Variants in UBE2R2 observed in about 807,000 individuals in gnomAD.
The protein encoded by UBE2R2 is ubiquitin conjugating enzyme E2 R2, also known as ubiquitin-conjugating enzyme E2 R2.
UBE2R2 carries 1 observed loss-of-function variant against 27.8 expected under a neutral mutation model. The ratio of observed to expected loss-of-function variants is 0.04; its 90% CI spans 0.01 to 0.17. The LOEUF is 0.17. Among genes scored for constraint, UBE2R2 ranks in the 10% least tolerant of loss-of-function variants. The pLI, the probability that UBE2R2 is intolerant of heterozygous loss-of-function variation, is 1.00. For synonymous variants in UBE2R2, 106 were observed against 113.3 expected (o/e 0.94, Z 0.41); for missense variants, 100 against 291.0 (o/e 0.34, Z 4.78).
At chr9:33,831,027 A>C (rs1820462049) in intron 1 of UBE2R2, 3 of 150,256 alleles carry the variant, frequency 2.0e-5, no homozygotes, top group African/African-American at 7.3e-5. Flanking sequence ...ACAACCAGTT[A>C]CAGATTGCTT....
At chr9:33,894,565 C>T (rs1051872138) in intron 2 of UBE2R2, among the ~76,000 whole-genome samples, 1 of 151,980 alleles carries the variant, frequency 6.6e-6, no homozygotes, top group African/African-American at 2.4e-5. Context: ...TCCCAAGTAG[C>T]TGGGACTACA....
At chr9:33,887,728 G>A (rs1265910204) in intron 2 of UBE2R2, among the ~76,000 whole-genome samples, 1 of 152,198 alleles carries the variant, frequency 6.6e-6, no homozygotes, top group East Asian at 1.9e-4. Context: ...CTGGAGTGCA[G>A]TGGCGCAATC....
At position 33,862,058 on chromosome 9, in the gene UBE2R2, T is replaced by G. The variant is rs568633297; in HGVS notation, c.178-24823T>G. Among the ~76,000 whole-genome samples the G allele has an allele frequency of 4.3e-3, 651 of 152,094 alleles. 2 individuals carry two copies. The highest frequency in any genetic ancestry group is 7.1e-3 in the Non-Finnish European group (482 of 67,976). On this transcript the variant is annotated intron_variant, in intron 1 of 4. Coordinates refer to ENST00000263228, the MANE Select transcript of UBE2R2 (RefSeq NM_017811.4). ...TTAGTAGAGACAGGGTTTCACTATG[T>G]TGGCCAGGCTGATCTCGAACGCCTG...
intron 1 of UBE2R2, among the ~76,000 whole-genome samples, chr9:33,853,869 A>T (rs113276015): frequency 0.02 from 3,049 of 151,218 alleles, 83 homozygotes; most frequent in African/African-American, 0.063. Flanking sequence ...ATTAAAAAAA[A>T]ATATTTTGTG....
intron 2 of UBE2R2, among the ~76,000 whole-genome samples, chr9:33,895,768 C>CTCTT (rs1554676435): frequency 1.1e-5 from 1 of 90,270 alleles, no homozygotes; most frequent in Non-Finnish European, 2.1e-5. Context: ...CTCTCTCTCT[C>CTCTT]TTTTTTTTTT....
At chr9:33,852,977 C>T (rs1433558487) in intron 1 of UBE2R2, among the ~76,000 whole-genome samples, 1 of 152,028 alleles carries the variant, frequency 6.6e-6, no homozygotes, top group Admixed American at 6.6e-5. Flanking sequence ...TGCTGCACTC[C>T]AGCCTAGGCA....
chr9:33,864,037 G>A (rs988513753), intron 1 of UBE2R2, among the ~76,000 whole-genome samples: 4 of 151,992 alleles, frequency 2.6e-5, no homozygotes, highest in Non-Finnish European at 5.9e-5. Flanking sequence ...TGGCCAGGCT[G>A]GCTTTGAACT....
At chr9:33,898,291 A>G (rs553768723) in intron 2 of UBE2R2, among the ~76,000 whole-genome samples, 57 of 151,966 alleles carry the variant, frequency 3.8e-4, no homozygotes, top group African/African-American at 1.4e-3. Context: ...CATACTGGCC[A>G]GGCTGGTCTT....
At chr9:33,885,481 C>G (rs1167639415) in intron 1 of UBE2R2, among the ~76,000 whole-genome samples, 1 of 152,202 alleles carries the variant, frequency 6.6e-6, no homozygotes, top group African/African-American at 2.4e-5. Flanking sequence ...CATATGTAGA[C>G]AGCCTTGCAA....
intron 3 of UBE2R2, among the ~76,000 whole-genome samples, chr9:33,904,015 T>C (rs1331367112): frequency 6.6e-6 from 1 of 152,174 alleles, no homozygotes; most frequent in Non-Finnish European, 1.5e-5. Flanking sequence ...TTTCGGGGGC[T>C]GTGGGATGTT....
intron 1 of UBE2R2, among the ~76,000 whole-genome samples, chr9:33,843,993 G>A (rs1480588972): frequency 1.3e-5 from 2 of 152,240 alleles, no homozygotes; most frequent in East Asian, 3.9e-4. Flanking sequence ...AGGCCATTTA[G>A]TATTCTATAA....
intron 1 of UBE2R2, among the ~76,000 whole-genome samples, chr9:33,879,750 CTTTTTTTTTTT>C (rs66929161): frequency 1.5e-5 from 1 of 67,382 alleles, no homozygotes; most frequent in East Asian, 3.9e-4. Flanking sequence ...GGTCACAAGA[CTTTTTTTTTTT>C]TTTTTTTTTT....
In UBE2R2 at chr9:33,877,051, A is replaced by G. The variant is rs908113870; in HGVS notation, c.178-9830A>G. Among the ~76,000 whole-genome samples the G allele has an allele frequency of 3.3e-5, 5 of 152,032 alleles. 1 individual carries two copies. The highest frequency in any genetic ancestry group is 1.3e-4 in the Admixed American group (2 of 15,250). On this transcript the variant is annotated intron_variant, in intron 1 of 4. Transcript: ENST00000263228. Reference sequence around the variant, plus strand: ...CCCAGCTACTCCAGAGGCTGAGGCAAGAGAACAGCTTGAATTTGGGAAGTG... The same window carrying G: ...CCCAGCTACTCCAGAGGCTGAGGCAGGAGAACAGCTTGAATTTGGGAAGTG...
chr9:33,890,396 G>A (rs758110459), intron 2 of UBE2R2, among the ~76,000 whole-genome samples: 6 of 152,004 alleles, frequency 3.9e-5, no homozygotes, highest in Non-Finnish European at 7.4e-5. Context: ...GTGAAACCCC[G>A]TCTTTACTAA....
In UBE2R2 at chr9:33,920,336, C is replaced by G. The variant is rs1023887654; in HGVS notation, c.*3099C>G. On this transcript the variant is annotated 3_prime_UTR_variant, in exon 5 of 5. Coordinates refer to ENST00000263228, the MANE Select transcript of UBE2R2 (RefSeq NM_017811.4). ...CTTCCCCTTTAGTGGTTTATTTTGT[C>G]TTTTTCTGCCCATCTGTCTACTAAT... The G allele has an allele frequency of 6.6e-5, 10 of 151,924 alleles. No individual in the cohort carries two copies. The highest frequency in any genetic ancestry group is 2.4e-4 in the African/African-American group (10 of 41,286). 9.4% of individuals were successfully genotyped at this position (151,924 alleles called of 1,614,324 possible).
intron 1 of UBE2R2, among the ~76,000 whole-genome samples, chr9:33,851,803 T>A (rs1820973499): frequency 6.6e-6 from 1 of 152,204 alleles, no homozygotes; most frequent in Non-Finnish European, 1.5e-5. Flanking sequence ...TGGACTCATC[T>A]CCTATTTCAT....
At chr9:33,891,055 G>GTTTTTTTTTGTTTTGT (rs1554676134) in intron 2 of UBE2R2, among the ~76,000 whole-genome samples, 23 of 126,098 alleles carry the variant, frequency 1.8e-4, no homozygotes, top group Admixed American at 7.0e-4. Flanking sequence ...GTGTTTTTTT[G>GTTTTTTTTTGTTTTGT]TTTTTTTTTT....
chr9:33,839,036 C>A (rs1184524238), intron 1 of UBE2R2, among the ~76,000 whole-genome samples: 1 of 145,578 alleles, frequency 6.9e-6, no homozygotes, highest in Non-Finnish European at 1.5e-5. Flanking sequence ...GAGCTGAGAT[C>A]GAGGCACTGT....
intron 1 of UBE2R2, among the ~76,000 whole-genome samples, chr9:33,843,041 A>C (rs998733293): frequency 1.8e-3 from 125 of 70,472 alleles, no homozygotes; most frequent in South Asian, 4.4e-3. Context: ...AAAACAGACC[A>C]CTTTTTTTTT....
Sources: gnomAD v4.1 joint callset for allele counts (sites outside exome capture counted in the v4.1 genomes callset) on GRCh38, gnomAD v4.1.1 for gene constraint, MANE v1.5 for transcripts, NCBI Gene and HGNC (gene_info 2026-07-23, HGNC 2026-07-21) for gene names.